The following NR5A2 variants were observed in gnomAD, a reference collection of about 807,000 sequenced individuals.
The protein encoded by NR5A2 is nuclear receptor subfamily 5 group A member 2, also known as CYP7A promoter-binding factor.
A neutral mutation model predicts 62.7 loss-of-function variants in NR5A2; 26 were observed. The ratio of observed to expected loss-of-function variants is 0.41; its 90% CI spans 0.30 to 0.58. The LOEUF is 0.58. Ranked by LOEUF, NR5A2 falls within the 20% of genes least tolerant of loss-of-function variation. The pLI is 0.22. For missense variants in NR5A2, 541 were observed against 669.1 expected, an observed-to-expected ratio of 0.81 and a Z score of 2.11; for synonymous variants, 246 against 241.7, an observed-to-expected ratio of 1.02 and a Z score of -0.16.
At chr1:200,088,899 G>A (rs1664682144) in intron 5 of NR5A2, among the ~76,000 whole-genome samples, 1 of 151,982 alleles carries the variant, frequency 6.6e-6, no homozygotes, top group Non-Finnish European at 1.5e-5. Flanking sequence ...TTAATCCTTG[G>A]CCATCCTTGA....
intron 7 of NR5A2, among the ~76,000 whole-genome samples, chr1:200,132,648 CAG>C (rs1025180703): frequency 5.3e-5 from 8 of 152,138 alleles, no homozygotes; most frequent in Non-Finnish European, 1.2e-4. Flanking sequence ...GATGATTTTT[CAG>C]AGACATATTG....
Position 200,174,505 on chromosome 1 carries a change from C to T in NR5A2, c.*295C>T, listed in dbSNP as rs1654333358. 1 of 216,456 alleles carries T rather than the reference C, an allele frequency of 4.6e-6. No homozygotes were observed. 13.4% of individuals were successfully genotyped at this position (216,456 alleles called of 1,614,324 possible). A position where few individuals can be genotyped will look rare whatever the true frequency, so the allele number is the denominator to read the frequency against. ...GATTGAACTCACAGATGGATACCAA[C>T]ACGGTCAGAAGAAAAACGGACAGAA... On this transcript the variant is annotated 3_prime_UTR_variant, in exon 8 of 8. Coordinates refer to ENST00000367362, the MANE Select transcript of NR5A2 (RefSeq NM_205860.3).
chr1:200,086,665 A>G (rs1664543191), intron 5 of NR5A2, among the ~76,000 whole-genome samples: 1 of 152,242 alleles, frequency 6.6e-6, no homozygotes, highest in African/African-American at 2.4e-5. Context: ...TGTTGAGTGC[A>G]GTGATAGAAG....
Position 200,175,659 on chromosome 1 carries a change from G to A in NR5A2, c.*1449G>A, listed in dbSNP as rs1196527330. On this transcript the variant is annotated 3_prime_UTR_variant, in exon 8 of 8. Transcript: ENST00000367362. The stretch of plus-strand genomic sequence containing the variant: ...ATTCTTTAGGTCCTGAGGGGCAGGG[G>A]GATCTGTGATATAACAAAATAGCAA... 6.6e-6 allele frequency: 1 copy of A among 152,552 alleles called. No individual in the cohort carries two copies. 9.4% of individuals were successfully genotyped at this position (152,552 alleles called of 1,614,324 possible).
intron 6 of NR5A2, among the ~76,000 whole-genome samples, chr1:200,118,622 C>G (rs536014891): frequency 6.6e-6 from 1 of 152,210 alleles, no homozygotes; most frequent in Non-Finnish European, 1.5e-5. Context: ...GGCCTTCCTG[C>G]TCTCATTCAC....
chr1:200,122,215 G>A lies in NR5A2; in HGVS notation c.1378+1260G>A, dbSNP rs116106858. ...AGGAAAGTTCTGTTCAAGTAAGTCT[G>A]CATCTTTTACCCGAGAACAGTGTTT... On this transcript the variant is annotated intron_variant, in intron 7 of 7. Transcript: ENST00000367362. 5.2e-3 allele frequency among the ~76,000 whole-genome samples: 795 copies of A among 152,296 alleles called. 4 individuals carry two copies. The highest frequency in any genetic ancestry group is 0.012 in the Admixed American group (179 of 15,296).
At chr1:200,116,623 C>T (rs992367817) in intron 6 of NR5A2, among the ~76,000 whole-genome samples, 2 of 152,146 alleles carry the variant, frequency 1.3e-5, no homozygotes, top group Non-Finnish European at 2.9e-5. Context: ...TCACTTAACC[C>T]TGTAAGTTAG....
In NR5A2 at chr1:200,070,358, A is replaced by G. The variant is rs539189880; in HGVS notation, c.1110+21540A>G. On this transcript the variant is annotated intron_variant, in intron 5 of 7. Coordinates refer to ENST00000367362, the MANE Select transcript of NR5A2 (RefSeq NM_205860.3). ...TATTTGGGAGTGTCTGAGGATTTTT[A>G]TTTTTAAATCATCTACAAGTCAAGA... 2.6e-5 allele frequency among the ~76,000 whole-genome samples: 4 copies of G among 152,186 alleles called. No homozygotes were observed. The South Asian group carries it at 8.3e-4, about 32-fold the overall frequency.
At chr1:200,119,207 TA>T (rs572588691) in intron 6 of NR5A2, among the ~76,000 whole-genome samples, 1 of 152,080 alleles carries the variant, frequency 6.6e-6, no homozygotes, top group Non-Finnish European at 1.5e-5. Context: ...ATTTACACAA[TA>T]AAAAAAATCC....
intron 5 of NR5A2, among the ~76,000 whole-genome samples, chr1:200,052,560 A>G (rs1662686626): frequency 6.6e-6 from 1 of 152,230 alleles, no homozygotes; most frequent in African/African-American, 2.4e-5. Context: ...CTTATTGGAC[A>G]GATTTTTTAT....
At chr1:200,036,590 G>C (rs1371876615) in intron 1 of NR5A2, among the ~76,000 whole-genome samples, 1 of 152,182 alleles carries the variant, frequency 6.6e-6, no homozygotes, top group Non-Finnish European at 1.5e-5. Context: ...AGGTTTGTGT[G>C]CCCTCGGGTC....
At chr1:200,128,931 C>A (rs2816968) in intron 7 of NR5A2, among the ~76,000 whole-genome samples, 131,304 of 152,224 alleles carry the variant, frequency 0.86, 56,668 homozygotes, top group East Asian at 0.98. Context: ...TTAGTTTCTG[C>A]TATAGGAATG....
At chr1:200,096,866 C>G (rs1291772487) in intron 5 of NR5A2, among the ~76,000 whole-genome samples, 3 of 152,152 alleles carry the variant, frequency 2.0e-5, no homozygotes, top group Non-Finnish European at 4.4e-5. Context: ...GAGCGATAGA[C>G]TATTCCATAT....
chr1:200,092,045 G>A (rs1333210766), intron 5 of NR5A2, among the ~76,000 whole-genome samples: 2 of 152,220 alleles, frequency 1.3e-5, no homozygotes, highest in East Asian at 1.9e-4. Context: ...TGAACTCTAA[G>A]TGTGTTCAAG....
At chr1:200,163,265 CAA>C (rs374872273) in intron 7 of NR5A2, among the ~76,000 whole-genome samples, 68 of 87,922 alleles carry the variant, frequency 7.7e-4, no homozygotes, top group Admixed American at 1.1e-3. Flanking sequence ...ATGTCAAAGG[CAA>C]AAAAAAAAAA....
chr1:200,085,789 C>CAT (rs1476765599), intron 5 of NR5A2, among the ~76,000 whole-genome samples: 1 of 152,056 alleles, frequency 6.6e-6, no homozygotes. Context: ...TGTTCCTGAA[C>CAT]ATATATCTCA....
At chr1:200,160,070 GC>G (rs1383373285) in intron 7 of NR5A2, among the ~76,000 whole-genome samples, 1 of 152,202 alleles carries the variant, frequency 6.6e-6, no homozygotes, top group Admixed American at 6.5e-5. Flanking sequence ...GGTATCGCTT[GC>G]TACCCTCTAA....
chr1:200,130,818 A>T (rs1666940393), intron 7 of NR5A2, among the ~76,000 whole-genome samples: 1 of 152,238 alleles, frequency 6.6e-6, no homozygotes, highest in Non-Finnish European at 1.5e-5. Flanking sequence ...TGCAAAGCCT[A>T]GTGAAGCAGA....
intron 5 of NR5A2, among the ~76,000 whole-genome samples, chr1:200,090,743 C>T (rs1664775542): frequency 1.3e-5 from 2 of 152,148 alleles, no homozygotes; most frequent in African/African-American, 4.8e-5. Flanking sequence ...GACTGTACTC[C>T]TGGAGGTAGG....
Sources: allele counts gnomAD v4.1 joint callset (sites outside exome capture counted in the v4.1 genomes callset), GRCh38; gene constraint gnomAD v4.1.1; transcripts MANE v1.5; gene names NCBI Gene and HGNC (gene_info 2026-07-23, HGNC 2026-07-21).